TPH1: variants seen among roughly 807,000 people sequenced by gnomAD.
The protein encoded by TPH1 is tryptophan hydroxylase 1, also known as tryptophan 5-hydroxylase 1.
A neutral mutation model predicts 49.5 loss-of-function variants in TPH1; 37 were observed. The ratio of observed to expected loss-of-function variants is 0.75; its 90% confidence interval spans 0.58 to 0.98. The LOEUF is 0.98. Among genes scored for constraint, TPH1 ranks in the 50% least tolerant of loss-of-function variants. The probability of loss-of-function intolerance (pLI) is 0.00; values close to 1 mark genes in which losing one functional copy is unlikely to be tolerated. For missense variants in TPH1, 487 were observed against 523.6 expected, an observed-to-expected ratio of 0.93 and a Z score of 0.68; for synonymous variants, 160 against 182.1, an observed-to-expected ratio of 0.88 and a Z score of 0.98.
Position 18,040,657 on chromosome 11 carries a change from T to G in TPH1, c.106A>C (p.Lys36Gln). 1.9e-6 allele frequency: 3 copies of G among 1,611,696 alleles called. No homozygotes were observed. Among genetic ancestry groups the G allele is most frequent in the Non-Finnish European group, 2.5e-6 (3 of 1,178,916 alleles). The change falls in exon 2 of 11, where the codon AAA becomes CAA. Residue 36 changes from lysine (K) to glutamine (Q), a missense_variant. By Grantham distance (53) the Lys-to-Gln change is moderately conservative. Coordinates refer to ENST00000682019, the MANE Select transcript of TPH1 (RefSeq NM_004179.3). ...NEVGGLIKAL[K>Q]IFQEKHVNLL... ...CAGAAAATGCTTACCTGAAAGATTT[T>G]CAGGGCTTTTATAAGTCCTCCAACT...
chr11:18,040,781 C>A lies in TPH1; in HGVS notation c.-19G>T. On this transcript the variant is annotated 5_prime_UTR_variant, in exon 2 of 11. Coordinates refer to ENST00000682019, the MANE Select transcript of TPH1 (RefSeq NM_004179.3). Reference sequence around the variant, plus strand: ...CAATCATGATGAATTTGGAGTAATTCTCTAAAACTAAAGTATGAAAACAAA... The same window carrying A: ...CAATCATGATGAATTTGGAGTAATTATCTAAAACTAAAGTATGAAAACAAA... 6.2e-7 allele frequency: 1 copy of A among 1,609,572 alleles called. No individual in the cohort carries two copies. The highest frequency in any genetic ancestry group is 1.1e-5 in the South Asian group (1 of 90,862).
chr11:18,025,618 G>T lies in TPH1; in HGVS notation c.887C>A (p.Ala296Asp). The T allele has an allele frequency of 6.2e-7, 1 of 1,614,000 alleles. No homozygotes were observed. The highest frequency in any genetic ancestry group is 8.5e-7 in the Non-Finnish European group (1 of 1,179,902). Residue 296 changes from alanine to aspartate, a missense_variant, in exon 8 of 11, where the codon GCT becomes GAT. Coordinates refer to ENST00000682019, the MANE Select transcript of TPH1 (RefSeq NM_004179.3). ...FAQFSQEIGLASLGASEEAVQ... is the reference protein window; with the variant it reads ...FAQFSQEIGLDSLGASEEAVQ... ...AGCCTCCTCTGAAGCGCCAAGAGAA[G>T]CCAAGCCAATTTCTTGGGAGAATTG... is the stretch of plus-strand genomic sequence containing the variant.
At chr11:18,040,559 G>A in intron 2 of TPH1, 87 bp downstream of exon 2, 1 of 1,320,344 alleles carries the variant, frequency 7.6e-7, no homozygotes, top group Non-Finnish European at 1.1e-6. Context: ...AAGAGATAGG[G>A]TCTTGCTATG....
At chr11:18,041,844 AC>A (rs1328120623) in intron 1 of TPH1, among the ~76,000 whole-genome samples, 2 of 152,256 alleles carry the variant, frequency 1.3e-5, no homozygotes, top group African/African-American at 4.8e-5. Context: ...TAATGGTAAA[AC>A]GAATAAAATT....
intron 3 of TPH1, among the ~76,000 whole-genome samples, chr11:18,034,617 T>C (rs1848026307): frequency 6.6e-6 from 1 of 152,184 alleles, no homozygotes; most frequent in African/African-American, 2.4e-5. Flanking sequence ...AGTATTTTAA[T>C]AATTATATAG....
chr11:18,037,411 T>G (rs1350332952), intron 2 of TPH1, among the ~76,000 whole-genome samples: 1 of 144,906 alleles, frequency 6.9e-6, no homozygotes, highest in African/African-American at 2.6e-5. Flanking sequence ...GAAAGAGGAG[T>G]GAGTGATAGA....
Position 18,023,124 on chromosome 11 carries a change from A to C in TPH1, c.1027-193T>G, listed in dbSNP as rs964872185. 1.2e-5 allele frequency: 7 copies of C among 578,090 alleles called. No homozygotes were observed. In the African/African-American group the frequency reaches 1.3e-4, roughly 11 times the overall value. The allele number at this position is 578,090 out of a possible 1,614,324, so 35.8% of individuals were successfully genotyped here. Reference sequence around the variant, plus strand: ...AAAAAATGGCTTGCCCTTCCCTGTAAATACCCCCAAGATCCTCTCCATGGC... The same window carrying C: ...AAAAAATGGCTTGCCCTTCCCTGTACATACCCCCAAGATCCTCTCCATGGC... On this transcript the variant is annotated intron_variant, in intron 9 of 10. Coordinates refer to ENST00000682019, the MANE Select transcript of TPH1 (RefSeq NM_004179.3).
chr11:18,026,411 A>G, intron 7 of TPH1, 79 bp downstream of exon 7: 1 of 1,259,132 alleles, frequency 7.9e-7, no homozygotes, highest in East Asian at 2.5e-5. Flanking sequence ...AAAAAAAAAA[A>G]AAAAAAGAAC....
intron 4 of TPH1, among the ~76,000 whole-genome samples, chr11:18,030,062 A>G (rs929290829): frequency 1.3e-5 from 2 of 152,058 alleles, no homozygotes; most frequent in African/African-American, 4.8e-5. Flanking sequence ...ATGATGATTT[A>G]AAAAGCAGAC....
intron 9 of TPH1, chr11:18,023,133 A>C: frequency 1.8e-6 from 1 of 554,728 alleles, no homozygotes; most frequent in Non-Finnish European, 3.2e-6. Flanking sequence ...AAATACCCCC[A>C]AGATCCTCTC....
chr11:18,040,720 T>A lies in TPH1; in HGVS notation c.43A>T (p.Arg15Trp), dbSNP rs1250355347. The stretch of plus-strand genomic sequence containing the variant: ...GAAAAAATGAGACTTGCTCTTCCCC[T>A]TTCTAAGGAATGGTCTTTGTTCTCC... ...NKENKDHSLE[R>W]GRASLIFSLK... The change falls in exon 2 of 11, where the codon AGG becomes TGG. Residue 15 changes from arginine (R) to tryptophan (W), a missense_variant. Coordinates refer to ENST00000682019, the MANE Select transcript of TPH1 (RefSeq NM_004179.3). The A allele has an allele frequency of 1.2e-6, 2 of 1,612,628 alleles. No homozygotes were observed. Among genetic ancestry groups the A allele is most frequent in the Middle Eastern group, 1.7e-4 (1 of 6,032 alleles).
rs982169420 is a variant in TPH1 at position 18,025,610 on chromosome 11, C to G, written c.895G>C (p.Gly299Arg). The G allele has an allele frequency of 3.7e-6, 6 of 1,613,856 alleles. No individual in the cohort carries two copies. The highest frequency in any genetic ancestry group is 5.1e-6 in the Non-Finnish European group (6 of 1,179,888). Residue 299 changes from glycine (G) to arginine (R), a missense_variant, in exon 8 of 11, where the codon GGC (glycine) becomes CGC (arginine). Transcript: ENST00000682019. Reference sequence around the variant, plus strand: ...TTTTGAACAGCCTCCTCTGAAGCGCCAAGAGAAGCCAAGCCAATTTCTTGG... The same window carrying G: ...TTTTGAACAGCCTCCTCTGAAGCGCGAAGAGAAGCCAAGCCAATTTCTTGG... ...FSQEIGLASLGASEEAVQKLA... is the reference protein window; with the variant it reads ...FSQEIGLASLRASEEAVQKLA...
At position 18,022,850 on chromosome 11, in the gene TPH1, G is replaced by A; in HGVS notation, c.1108C>T (p.Gln370Ter). 6.2e-7 allele frequency: 1 copy of A among 1,613,496 alleles called. No homozygotes were observed. Among genetic ancestry groups the A allele is most frequent in the Non-Finnish European group, 8.5e-7 (1 of 1,179,608 alleles). The change falls in exon 10 of 11, where the codon CAA becomes TAA. Residue 370 changes from glutamine (Q) to a stop codon, truncating the protein, a stop_gained. Transcript: ENST00000682019. LOFTEE classifies it high-confidence loss of function. ...CTTTCAGATACAAAGTAGACATCTT[G>A]AAAAGTTGTGATAAGACATTCCTGT... is the stretch of plus-strand genomic sequence containing the variant. ...CKQECLITTF[Q>*]DVYFVSESFE...
chr11:18,020,862 A>T lies in TPH1; in HGVS notation c.*129T>A. The stretch of plus-strand genomic sequence containing the variant: ...ATTTTCAAAGACTAGTGATTCCTTA[A>T]GTAGTGGAATTCGATAATATTGTTT... On this transcript the variant is annotated 3_prime_UTR_variant, in exon 11 of 11. Transcript: ENST00000682019. The T allele has an allele frequency of 1.2e-6, 1 of 845,422 alleles. No homozygotes were observed. Among genetic ancestry groups the T allele is most frequent in the Non-Finnish European group, 2.0e-6 (1 of 498,024 alleles). 52.4% of individuals were successfully genotyped at this position (845,422 alleles called of 1,614,324 possible).
At position 18,033,341 on chromosome 11, in the gene TPH1, ATCT is replaced by A. The variant is rs769340422; in HGVS notation, c.332_334del (p.Lys111del). On this transcript the variant is annotated inframe_deletion, in exon 4 of 11. Transcript: ENST00000682019. ...GTTGGCACAATGGTCCAGGTCAGAA[ATCT>A]TCTTTGGAAACCAAGGAACAGTTTC... 10 of 1,614,060 alleles carry A rather than the reference ATCT, an allele frequency of 6.2e-6. No individual in the cohort carries two copies. In the South Asian group the frequency reaches 6.6e-5, roughly 11 times the overall value.
At chr11:18,039,039 C>T (rs685247) in intron 2 of TPH1, among the ~76,000 whole-genome samples, 48,536 of 151,808 alleles carry the variant, frequency 0.32, 9,300 homozygotes, top group East Asian at 0.51. Context: ...ACCAAAAAAA[C>T]TAACGACCAG....
At chr11:18,039,152 A>G (rs1008426550) in intron 2 of TPH1, among the ~76,000 whole-genome samples, 29 of 152,244 alleles carry the variant, frequency 1.9e-4, no homozygotes, top group Non-Finnish European at 4.3e-4. Flanking sequence ...TAGACTATCT[A>G]TATTTAAGAT....
chr11:18,022,648 T>C, intron 10 of TPH1, 150 bp downstream of exon 10: 2 of 791,558 alleles, frequency 2.5e-6, no homozygotes, highest in South Asian at 3.0e-5. Flanking sequence ...CAACATACTC[T>C]AGATACTTGT....
At chr11:18,045,849 G>T (rs1425831880) in intron 1 of TPH1, among the ~76,000 whole-genome samples, 1 of 152,120 alleles carries the variant, frequency 6.6e-6, no homozygotes, top group Non-Finnish European at 1.5e-5. Flanking sequence ...GCCCTTTGAT[G>T]GAGAGGAAGG....
Sources: allele counts gnomAD v4.1 joint callset (sites outside exome capture counted in the v4.1 genomes callset), GRCh38; gene constraint gnomAD v4.1.1; transcripts MANE v1.5; gene names NCBI Gene and HGNC (gene_info 2026-07-23, HGNC 2026-07-21).